Variants in OPCML observed in about 807,000 individuals in gnomAD.
The protein encoded by OPCML is opioid binding protein/cell adhesion molecule like.
In OPCML, 13 loss-of-function variants were observed where a neutral mutation model predicts 37.8. That is an observed-to-expected ratio of 0.34 (90% CI 0.22 to 0.55). OPCML has a LOEUF of 0.55. OPCML is among the 20% of genes least tolerant of loss of function. OPCML has a pLI of 0.91. For synonymous variants in OPCML, 176 were observed against 168.8 expected (o/e 1.04, Z -0.33); for missense variants, 341 against 435.6 (o/e 0.78, Z 1.93).
intron 3 of OPCML, among the ~76,000 whole-genome samples, chr11:132,625,952 A>G (rs1939715834): frequency 1.3e-5 from 2 of 152,084 alleles, no homozygotes; most frequent in Admixed American, 6.6e-5. Flanking sequence ...TCTCTATTGT[A>G]GCACTTGTTA....
intron 1 of OPCML, among the ~76,000 whole-genome samples, chr11:133,240,877 A>C (rs1940705530): frequency 6.6e-6 from 1 of 152,210 alleles, no homozygotes; most frequent in Non-Finnish European, 1.5e-5. Context: ...TAAAAAACAA[A>C]GTCAGCACCC....
At chr11:132,857,797 T>C (rs1315783267) in intron 2 of OPCML, among the ~76,000 whole-genome samples, 1 of 152,210 alleles carries the variant, frequency 6.6e-6, no homozygotes, top group Non-Finnish European at 1.5e-5. Flanking sequence ...TGATTTTTTG[T>C]CAGTTTTAGT....
chr11:132,449,764 C>A (rs1274332013), intron 4 of OPCML, among the ~76,000 whole-genome samples: 1 of 152,176 alleles, frequency 6.6e-6, no homozygotes, highest in African/African-American at 2.4e-5. Flanking sequence ...CCTGAGCAGG[C>A]CACTTTACTT....
chr11:133,404,406 T>C (rs2136847905), intron 1 of OPCML, among the ~76,000 whole-genome samples: 1 of 152,342 alleles, frequency 6.6e-6, no homozygotes, highest in East Asian at 1.9e-4. Flanking sequence ...AGGATGGTGA[T>C]AATGGGAAAA....
rs954566734 is a variant in OPCML at position 132,484,926 on chromosome 11, G to A, written c.505+44135C>T. On this transcript the variant is annotated intron_variant, in intron 4 of 7. Transcript: ENST00000524381. Reference sequence around the variant, plus strand: ...CACTCTGGGGCCTGTTGTGGGGTGCGAGGAGGGCAGAGGGATAGCATTGGG... The same window carrying A: ...CACTCTGGGGCCTGTTGTGGGGTGCAAGGAGGGCAGAGGGATAGCATTGGG... 6.6e-5 allele frequency among the ~76,000 whole-genome samples: 10 copies of A among 152,188 alleles called. No individual in the cohort carries two copies. In the South Asian group the frequency reaches 1.5e-3, roughly 22 times the overall value.
rs757480737 is a variant in OPCML at position 132,657,229 on chromosome 11, A to T, written c.237T>A (p.Pro79=). 8.1e-6 allele frequency: 13 copies of T among 1,614,244 alleles called. No individual in the cohort carries two copies. Among genetic ancestry groups the T allele is most frequent in the Non-Finnish European group, 1.0e-5 (12 of 1,180,052 alleles). Residue 79 remains proline (P), a synonymous_variant, in exon 3 of 8, where the codon CCT becomes CCA. Transcript: ENST00000524381. ...GTGTATTGACCAGGATGATCACACG[A>T]GGGTCTATGGACCACTTGTCATTCC... ...YAGNDKWSID[P]RVIILVNTPT...
At chr11:132,564,041 T>C (rs2096416658) in intron 3 of OPCML, among the ~76,000 whole-genome samples, 1 of 152,146 alleles carries the variant, frequency 6.6e-6, no homozygotes, top group Non-Finnish European at 1.5e-5. Flanking sequence ...GTCCCTTTTA[T>C]GGGTGAGAAA....
intron 1 of OPCML, among the ~76,000 whole-genome samples, chr11:133,242,299 C>T (rs145334874): frequency 7.2e-5 from 11 of 152,220 alleles, no homozygotes; most frequent in African/African-American, 2.2e-4. Context: ...GATGAAACAC[C>T]GAGTTAAGTG....
At chr11:133,223,126 T>C (rs1169498317) in intron 1 of OPCML, among the ~76,000 whole-genome samples, 1 of 152,156 alleles carries the variant, frequency 6.6e-6, no homozygotes, top group Admixed American at 6.5e-5. Context: ...CAAACCACAG[T>C]CCTTGACCCC....
At chr11:133,429,397 C>T (rs940529733) in intron 1 of OPCML, among the ~76,000 whole-genome samples, 22 of 152,128 alleles carry the variant, frequency 1.4e-4, no homozygotes, top group Admixed American at 1.3e-3. Flanking sequence ...ACACCATTAT[C>T]CAGATTTCAC....
At chr11:133,462,502 A>T (rs917489218) in intron 1 of OPCML, among the ~76,000 whole-genome samples, 1 of 152,128 alleles carries the variant, frequency 6.6e-6, no homozygotes, top group Non-Finnish European at 1.5e-5. Flanking sequence ...AAAACCAAAA[A>T]CCCAATTTAA....
At chr11:132,782,921 A>ATATATATATATATATATATATATG (rs1565860283) in intron 2 of OPCML, among the ~76,000 whole-genome samples, 3 of 129,106 alleles carry the variant, frequency 2.3e-5, no homozygotes, top group Non-Finnish European at 4.8e-5. Flanking sequence ...GTGTGTGTAT[A>ATATATATATATATATATATATATG]TATATATATA....
intron 2 of OPCML, among the ~76,000 whole-genome samples, chr11:132,683,756 G>A (rs769448486): frequency 1.3e-5 from 2 of 152,224 alleles, no homozygotes; most frequent in East Asian, 1.9e-4. Flanking sequence ...TGACTCATGG[G>A]TCAGGTTCAG....
At chr11:132,523,946 T>G (rs2096301110) in intron 4 of OPCML, among the ~76,000 whole-genome samples, 1 of 152,190 alleles carries the variant, frequency 6.6e-6, no homozygotes, top group Non-Finnish European at 1.5e-5. Flanking sequence ...AACTCATAGG[T>G]GAAGAGTTGT....
intron 1 of OPCML, among the ~76,000 whole-genome samples, chr11:133,125,827 CAT>C (rs1191278959): frequency 1.4e-5 from 2 of 141,370 alleles, no homozygotes; most frequent in East Asian, 4.1e-4. Flanking sequence ...AGTATATACA[CAT>C]GTATATATAG....
intron 1 of OPCML, chr11:133,423,321 G>A (rs1592283817): frequency 2.0e-6 from 2 of 984,612 alleles, no homozygotes; most frequent in Non-Finnish European, 2.4e-6. Context: ...ATTTCCACCT[G>A]ACAATGGGCA....
At chr11:132,437,555 T>C in intron 4 of OPCML, 196 bp from the exon 5 acceptor site, 1 of 818,248 alleles carries the variant, frequency 1.2e-6, no homozygotes, top group Middle Eastern at 6.3e-4. Context: ...TGCTTGAGTC[T>C]TGCATCAATG....
At chr11:132,933,247 T>A (rs563363090) in intron 2 of OPCML, among the ~76,000 whole-genome samples, 1 of 152,170 alleles carries the variant, frequency 6.6e-6, no homozygotes, top group Non-Finnish European at 1.5e-5. Flanking sequence ...ATGACTCACA[T>A]TGGCTTTTCC....
intron 1 of OPCML, among the ~76,000 whole-genome samples, chr11:133,156,101 C>G (rs1351720411): frequency 1.3e-5 from 2 of 152,182 alleles, no homozygotes; most frequent in Non-Finnish European, 2.9e-5. Flanking sequence ...TCTTATCACT[C>G]CCCTCCTTAC....
Sources: gnomAD v4.1 joint callset for allele counts (sites outside exome capture counted in the v4.1 genomes callset) on GRCh38, gnomAD v4.1.1 for gene constraint, MANE v1.5 for transcripts, NCBI Gene and HGNC (gene_info 2026-07-23, HGNC 2026-07-21) for gene names.